The following CACNG4 variants were observed in gnomAD, a reference collection of about 807,000 sequenced individuals.
CACNG4 encodes voltage-dependent calcium channel gamma-4 subunit.
CACNG4 carries 8 observed loss-of-function variants against 22.9 expected under a neutral mutation model. The observed-to-expected ratio is 0.35, with a 90% CI of 0.21 to 0.63. CACNG4 has a LOEUF of 0.63. Ranked by LOEUF, CACNG4 falls within the 30% of genes least tolerant of loss-of-function variation. The probability of loss-of-function intolerance (pLI) is 0.72; values close to 1 mark genes in which losing one functional copy is unlikely to be tolerated. For missense variants in CACNG4, 357 were observed against 455.4 expected (o/e 0.78, Z 1.97); for synonymous variants, 188 against 191.9 (o/e 0.98, Z 0.17).
chr17:66,994,486 G>A (rs570444326), intron 1 of CACNG4, among the ~76,000 whole-genome samples: 6 of 152,292 alleles, frequency 3.9e-5, no homozygotes, highest in East Asian at 1.9e-4. Context: ...AGGAAGGTGC[G>A]GCACAGAGGG....
intron 3 of CACNG4, among the ~76,000 whole-genome samples, chr17:67,025,997 C>CT (rs1324536948): frequency 6.6e-6 from 1 of 152,158 alleles, no homozygotes; most frequent in Non-Finnish European, 1.5e-5. Flanking sequence ...TCTGTGGGGC[C>CT]TGTACATGTG....
At chr17:66,989,039 C>G (rs2035322339) in intron 1 of CACNG4, among the ~76,000 whole-genome samples, 1 of 106,226 alleles carries the variant, frequency 9.4e-6, no homozygotes, top group Non-Finnish European at 1.7e-5. Context: ...CCAGCCTGGG[C>G]AACAGAGCAA....
At position 67,030,423 on chromosome 17, in the gene CACNG4, C is replaced by T. The variant is rs779647129; in HGVS notation, c.446-43C>T. 1.3e-6 allele frequency: 2 copies of T among 1,584,178 alleles called. No homozygotes were observed. Among genetic ancestry groups the T allele is most frequent in the East Asian group, 4.5e-5 (2 of 44,684 alleles). On this transcript the variant is annotated intron_variant, in intron 3 of 3. Transcript: ENST00000262138. This position sits in a 1 kb window ranked among gnomAD's most constrained non-coding sequence, Gnocchi z 6.4. Reference sequence around the variant, plus strand: ...CACTGTGGGTCTAACCTCTGCCTCTCTCCCTCCCTGGCCCCGCTCCCCGCT... The same window carrying T: ...CACTGTGGGTCTAACCTCTGCCTCTTTCCCTCCCTGGCCCCGCTCCCCGCT...
intron 1 of CACNG4, among the ~76,000 whole-genome samples, chr17:66,997,456 G>GCCCACAGCTCC (rs2035382189): frequency 6.6e-6 from 1 of 152,172 alleles, no homozygotes; most frequent in African/African-American, 2.4e-5. Context: ...GCCCCTGTTG[G>GCCCACAGCTCC]ACTTCTAGGT....
At chr17:67,010,804 G>T (rs1028849278) in intron 1 of CACNG4, among the ~76,000 whole-genome samples, 2 of 152,154 alleles carry the variant, frequency 1.3e-5, no homozygotes, top group African/African-American at 4.8e-5. Flanking sequence ...TGGTGTGGGA[G>T]AGGGCCAGGT....
chr17:67,010,417 G>A (rs2035461995), intron 1 of CACNG4, among the ~76,000 whole-genome samples: 1 of 152,148 alleles, frequency 6.6e-6, no homozygotes, highest in African/African-American at 2.4e-5. Flanking sequence ...GGTGTACGAA[G>A]TAGGGGCACA....
At chr17:66,976,366 T>TCTCCCTC (rs1242102785) in intron 1 of CACNG4, among the ~76,000 whole-genome samples, 1 of 132,754 alleles carries the variant, frequency 7.5e-6, no homozygotes, top group Non-Finnish European at 1.6e-5. Context: ...TCCCCTCCCT[T>TCTCCCTC]CTCCCTCCAT....
intron 1 of CACNG4, among the ~76,000 whole-genome samples, chr17:67,010,104 G>A (rs1014658509): frequency 2.0e-5 from 3 of 152,164 alleles, no homozygotes; most frequent in South Asian, 4.2e-4. Flanking sequence ...AGACACAGTG[G>A]TGCCTTCTCT....
intron 1 of CACNG4, among the ~76,000 whole-genome samples, chr17:66,998,482 C>T (rs893373302): frequency 1.3e-5 from 2 of 152,294 alleles, no homozygotes; most frequent in East Asian, 1.9e-4. Flanking sequence ...GGAATTGCAC[C>T]GCACCCATCC....
At chr17:67,002,187 G>T (rs1254501323) in intron 1 of CACNG4, among the ~76,000 whole-genome samples, 1 of 152,214 alleles carries the variant, frequency 6.6e-6, no homozygotes, top group Non-Finnish European at 1.5e-5. Flanking sequence ...GAGGAACAAA[G>T]GCACGTCTTA....
At chr17:66,978,635 C>T (rs376326197) in intron 1 of CACNG4, among the ~76,000 whole-genome samples, 12 of 152,204 alleles carry the variant, frequency 7.9e-5, no homozygotes, top group South Asian at 6.2e-4. Context: ...AGGGATGCCC[C>T]GTACTCGCTT....
At chr17:67,025,471 C>T (rs1243809698) in intron 3 of CACNG4, among the ~76,000 whole-genome samples, 3 of 152,164 alleles carry the variant, frequency 2.0e-5, no homozygotes, top group African/African-American at 7.2e-5. Context: ...AAAGACAGGG[C>T]GAGGGCCCGG....
At chr17:67,023,433 G>T in intron 2 of CACNG4, among the ~76,000 whole-genome samples, 1 of 151,476 alleles carries the variant, frequency 6.6e-6, no homozygotes, top group East Asian at 1.9e-4. Context: ...TGGCTACAAC[G>T]CCCGGCTAAT....
chr17:67,031,007 C>A lies in CACNG4; in HGVS notation c.*3C>A, dbSNP rs528962233. 3 of 1,605,558 alleles carry A rather than the reference C, an allele frequency of 1.9e-6. No individual in the cohort carries two copies. In the East Asian group the frequency reaches 6.7e-5, roughly 36 times the overall value. On this transcript the variant is annotated 3_prime_UTR_variant, in exon 4 of 4. Coordinates refer to ENST00000262138, the MANE Select transcript of CACNG4 (RefSeq NM_014405.4). The surrounding 1 kb of genome is among the most constrained non-coding windows in gnomAD (Gnocchi z 4.0). The stretch of plus-strand genomic sequence containing the variant: ...ACCGACGGACGACCCCTGTGTGAGC[C>A]GCCTGCCCTTTCTCTCCGCTCCAGC...
At chr17:67,016,716 G>A (rs914807308) in intron 1 of CACNG4, among the ~76,000 whole-genome samples, 4 of 152,196 alleles carry the variant, frequency 2.6e-5, no homozygotes, top group Non-Finnish European at 4.4e-5. Flanking sequence ...GGGCTGACCC[G>A]GGGGAAGGGG....
At chr17:67,025,069 C>T (rs965485072) in intron 3 of CACNG4, 69 bp downstream of exon 3, 4 of 1,437,766 alleles carry the variant, frequency 2.8e-6, no homozygotes, top group African/African-American at 2.9e-5. Context: ...CTCGTGTGGT[C>T]CCCACTGCCA....
chr17:66,985,364 AG>A (rs1437107640), intron 1 of CACNG4, among the ~76,000 whole-genome samples: 3 of 152,222 alleles, frequency 2.0e-5, no homozygotes, highest in African/African-American at 7.2e-5. Flanking sequence ...TCTTCATAGC[AG>A]AGAATAAAAC....
rs1483029626 is a variant in CACNG4 at position 67,032,099 on chromosome 17, GC to G, written c.*1099del. 1 of 410,034 alleles carries G rather than the reference GC, an allele frequency of 2.4e-6. No individual in the cohort carries two copies. Among genetic ancestry groups the G allele is most frequent in the Non-Finnish European group, 4.9e-6 (1 of 205,848 alleles). 25.4% of individuals were successfully genotyped at this position (410,034 alleles called of 1,614,324 possible). On this transcript the variant is annotated 3_prime_UTR_variant, in exon 4 of 4. Transcript: ENST00000262138. ...TTGTCTTAAAAAGTAGCAGCAACTG[GC>G]CCCACAACTCCTGTCATTGTAAGTT...
At chr17:67,019,826 G>A (rs952446386) in intron 2 of CACNG4, 1 of 152,282 alleles carries the variant, frequency 6.6e-6, no homozygotes, top group African/African-American at 2.4e-5. Flanking sequence ...TGGTCCCGGA[G>A]TGCTGGGGTC....
Sources: gnomAD v4.1 joint callset for allele counts (sites outside exome capture counted in the v4.1 genomes callset) on GRCh38, gnomAD v4.1.1 for gene constraint, Gnocchi (gnomAD v3.1) non-coding constraint, MANE v1.5 for transcripts, NCBI Gene and HGNC (gene_info 2026-07-23, HGNC 2026-07-21) for gene names.